The following MYO18B variants were observed in gnomAD, a reference collection of about 807,000 sequenced individuals.
MYO18B encodes the protein myosin XVIIIB.
In MYO18B, 204 loss-of-function variants were observed where a neutral mutation model predicts 273.0. That is an observed-to-expected ratio of 0.75 (90% confidence interval 0.67 to 0.84). The LOEUF (loss-of-function observed/expected upper bound fraction) is 0.84, where lower values mean the gene tolerates loss of function less well. Among genes scored for constraint, MYO18B ranks in the 40% least tolerant of loss-of-function variants. MYO18B has a pLI of 0.00. For synonymous variants in MYO18B, 1,330 were observed against 1,305.7 expected, an observed-to-expected ratio of 1.02 and a Z score of -0.40; for missense variants, 3,212 against 3,287.6, an observed-to-expected ratio of 0.98 and a Z score of 0.56.
At chr22:25,828,402 G>T (rs994594920) in intron 14 of MYO18B, among the ~76,000 whole-genome samples, 1 of 152,162 alleles carries the variant, frequency 6.6e-6, no homozygotes, top group South Asian at 2.1e-4. Flanking sequence ...TTTGTAAACT[G>T]ATGTATTAAA....
intron 27 of MYO18B, 100 bp downstream of exon 27, chr22:25,891,512 G>T: frequency 1.4e-6 from 1 of 735,478 alleles, no homozygotes; most frequent in East Asian, 2.7e-5. Flanking sequence ...GCTAGATATT[G>T]CATGAGGGGC....
chr22:25,819,420 C>T lies in MYO18B; in HGVS notation c.2522-4085C>T, dbSNP rs144019295. 7.2e-3 allele frequency among the ~76,000 whole-genome samples: 1,089 copies of T among 152,286 alleles called. 19 individuals are homozygous for T. Among genetic ancestry groups the T allele is most frequent in the African/African-American group, 0.025 (1,034 of 41,562 alleles). ...AGAGGAGGGGACAGGACCTCACCTA[C>T]CTAGAAAGACATCTCCTATTTAGTT... is the stretch of plus-strand genomic sequence containing the variant. On this transcript the variant is annotated intron_variant, in intron 12 of 43. Transcript: ENST00000335473.
chr22:25,882,404 C>A (rs557899106), intron 25 of MYO18B, among the ~76,000 whole-genome samples: 1 of 151,266 alleles, frequency 6.6e-6, no homozygotes, highest in East Asian at 2.0e-4. Context: ...AGTAACTTTT[C>A]TGGCTATTGA....
At chr22:25,955,904 T>C (rs1474818135) in intron 39 of MYO18B, among the ~76,000 whole-genome samples, 3 of 152,062 alleles carry the variant, frequency 2.0e-5, no homozygotes, top group African/African-American at 4.8e-5. Context: ...ACAACAAAAA[T>C]AAAAGATACA....
chr22:26,042,322 G>A, the MYO18B span, among the ~76,000 whole-genome samples: 1 of 152,366 alleles, frequency 6.6e-6, no homozygotes, highest in African/African-American at 2.4e-5. Context: ...AAAGTGCTCA[G>A]CACAGCACGG....
intron 12 of MYO18B, among the ~76,000 whole-genome samples, chr22:25,807,744 G>A (rs1342029168): frequency 6.6e-6 from 1 of 152,134 alleles, no homozygotes; most frequent in Non-Finnish European, 1.5e-5. Context: ...TCAAGGATGA[G>A]CGAAACCAAA....
chr22:26,042,131 C>G, the MYO18B span, among the ~76,000 whole-genome samples: 4 of 152,238 alleles, frequency 2.6e-5, no homozygotes, highest in Non-Finnish European at 4.4e-5. Flanking sequence ...TGTGTCAGAG[C>G]TGGAACTGCG....
At chr22:26,021,865 C>A (rs945157795) in intron 42 of MYO18B, among the ~76,000 whole-genome samples, 21 of 152,234 alleles carry the variant, frequency 1.4e-4, no homozygotes, top group African/African-American at 4.3e-4. Context: ...GTATCCAGCA[C>A]AGCACCTGGC....
chr22:25,912,441 G>A (rs1428901394), intron 33 of MYO18B, among the ~76,000 whole-genome samples: 1 of 152,142 alleles, frequency 6.6e-6, no homozygotes, highest in Non-Finnish European at 1.5e-5. Flanking sequence ...GTAAAGCAAG[G>A]TTTTTATACA....
chr22:25,802,624 AC>A lies in MYO18B; in HGVS notation c.2521+4528del, dbSNP rs575251533. Among the ~76,000 whole-genome samples, 6 of 151,714 alleles carry A rather than the reference AC, an allele frequency of 4.0e-5. No homozygotes were observed. The South Asian group carries it at 1.3e-3, about 32-fold the overall frequency. ...AAAAATTAGCCGGGCATGGTGGCAG[AC>A]ACCTATGGTCCCAGCTACTCAGGAG... On this transcript the variant is annotated intron_variant, in intron 12 of 43. Coordinates refer to ENST00000335473, the MANE Select transcript of MYO18B (RefSeq NM_032608.7).
intron 42 of MYO18B, among the ~76,000 whole-genome samples, chr22:26,009,202 T>C (rs1415570066): frequency 6.6e-6 from 1 of 152,204 alleles, no homozygotes; most frequent in Middle Eastern, 3.2e-3. Flanking sequence ...TATGCATTCA[T>C]CTCTATTTGC....
At chr22:25,851,379 C>G (rs1383762824) in intron 20 of MYO18B, 91 bp from the exon 21 acceptor site, 8 of 821,666 alleles carry the variant, frequency 9.7e-6, no homozygotes, top group Admixed American at 2.0e-5. Flanking sequence ...GGAAGCAGGA[C>G]CCTGCACTCC....
intron 39 of MYO18B, among the ~76,000 whole-genome samples, chr22:25,981,452 T>G (rs2093147731): frequency 6.6e-6 from 1 of 152,240 alleles, no homozygotes; most frequent in Non-Finnish European, 1.5e-5. Flanking sequence ...ACATATTGAT[T>G]ATGTCATTGG....
chr22:25,886,733 G>A (rs2091512018), intron 25 of MYO18B, among the ~76,000 whole-genome samples: 1 of 152,142 alleles, frequency 6.6e-6, no homozygotes, highest in African/African-American at 2.4e-5. Flanking sequence ...TCAAAGAAAG[G>A]GTCAGATGGT....
At chr22:25,813,130 T>C in intron 12 of MYO18B, among the ~76,000 whole-genome samples, 1 of 141,994 alleles carries the variant, frequency 7.0e-6, no homozygotes. Context: ...CTCCCTTCCC[T>C]CTCCCTCCTC....
chr22:25,755,337 G>T (rs1406830888), intron 1 of MYO18B, among the ~76,000 whole-genome samples: 1 of 152,120 alleles, frequency 6.6e-6, no homozygotes, highest in African/African-American at 2.4e-5. Context: ...CTCTCCAGTA[G>T]CTGAGATTAC....
At chr22:25,783,012 T>C (rs2087226739) in intron 10 of MYO18B, among the ~76,000 whole-genome samples, 1 of 152,250 alleles carries the variant, frequency 6.6e-6, no homozygotes, top group Non-Finnish European at 1.5e-5. Flanking sequence ...TGAGCCTGAC[T>C]TTCCTTATCT....
chr22:25,944,587 C>T (rs190493084), intron 34 of MYO18B, among the ~76,000 whole-genome samples: 90 of 152,280 alleles, frequency 5.9e-4, no homozygotes, highest in African/African-American at 2.0e-3. Flanking sequence ...TGGTGGCTCA[C>T]GCCTGTAATC....
intron 1 of MYO18B, among the ~76,000 whole-genome samples, chr22:25,744,575 C>CA (rs945492409): frequency 4.8e-4 from 73 of 150,904 alleles, no homozygotes; most frequent in South Asian, 2.3e-3. Flanking sequence ...ACTAAAAACA[C>CA]AAAAAAAAAT....
Sources: gnomAD v4.1 joint callset for allele counts (sites outside exome capture counted in the v4.1 genomes callset) on GRCh38, gnomAD v4.1.1 for gene constraint, MANE v1.5 for transcripts, NCBI Gene and HGNC (gene_info 2026-07-23, HGNC 2026-07-21) for gene names.